Variants in ZNF782 observed in about 807,000 individuals in gnomAD.
ZNF782 encodes zinc finger protein 782.
In ZNF782, 12 loss-of-function variants were observed where a neutral mutation model predicts 13.0. The observed-to-expected ratio is 0.92, with a 90% CI of 0.59 to 1.50. The LOEUF is 1.50. Ranked by LOEUF, ZNF782 falls within the 40% of genes most tolerant of loss-of-function variation. The pLI is 0.00. For missense variants in ZNF782, 770 were observed against 822.9 expected, an observed-to-expected ratio of 0.94 and a Z score of 0.79; for synonymous variants, 284 against 283.0, an observed-to-expected ratio of 1.00 and a Z score of -0.04.
At chr9:96,851,911 T>C (rs1230478097) in intron 3 of ZNF782, 36 bp downstream of exon 3, 1 of 1,605,760 alleles carries the variant, frequency 6.2e-7, no homozygotes, top group African/African-American at 1.3e-5. Context: ...ATAAAATCCA[T>C]TACAATACAA....
the ZNF782 span, among the ~76,000 whole-genome samples, chr9:96,903,556 G>GTTTTT: frequency 4.7e-3 from 356 of 75,452 alleles, 7 homozygotes; most frequent in East Asian, 5.4e-3. Flanking sequence ...TTTTATGTTG[G>GTTTTT]TTTTTTTTTT....
chr9:96,918,569 C>T, the ZNF782 span: 3 of 149,928 alleles, frequency 2.0e-5, no homozygotes, highest in East Asian at 2.1e-4. Context: ...AAATTTTATG[C>T]CGTGTTATTT....
the ZNF782 span, among the ~76,000 whole-genome samples, chr9:96,926,349 T>C: frequency 7.2e-5 from 11 of 151,794 alleles, no homozygotes; most frequent in Non-Finnish European, 1.3e-4. Context: ...AAAGATCGCG[T>C]CCTCAGAAAG....
chr9:96,927,021 C>A, the ZNF782 span, among the ~76,000 whole-genome samples: 2 of 152,128 alleles, frequency 1.3e-5, no homozygotes, highest in East Asian at 1.9e-4. Context: ...TCCTAACACT[C>A]CCCTTGTTCA....
chr9:96,818,522 T>C lies in ZNF782; in HGVS notation c.1501A>G (p.Thr501Ala), dbSNP rs374116369. 1.2e-6 allele frequency: 2 copies of C among 1,613,904 alleles called. No homozygotes were observed. Among genetic ancestry groups the C allele is most frequent in the Non-Finnish European group, 1.7e-6 (2 of 1,179,964 alleles). ...TCACATTTATATGGTCTTTCCCCTG[T>C]GTGAGTTCTTCGGTGATTCCTTAGG... Reference protein sequence around the residue: ...SGLRNHRRTHTGERPYKCDEC... With the variant: ...SGLRNHRRTHAGERPYKCDEC... Residue 501 changes from threonine (T) to alanine (A), a missense_variant, in exon 6 of 6, where the codon ACA becomes GCA. Physicochemically the swap from Thr to Ala is moderately conservative, Grantham distance 58. Coordinates refer to ENST00000481138, the MANE Select transcript of ZNF782 (RefSeq NM_001001662.3).
At chr9:96,885,739 G>T in the ZNF782 span, among the ~76,000 whole-genome samples, 1 of 152,054 alleles carries the variant, frequency 6.6e-6, no homozygotes, top group Non-Finnish European at 1.5e-5. Context: ...AGTCTTGAAA[G>T]CATCAGAGAG....
chr9:96,907,936 C>T, the ZNF782 span, among the ~76,000 whole-genome samples: 10 of 151,576 alleles, frequency 6.6e-5, no homozygotes, highest in African/African-American at 9.7e-5. Flanking sequence ...CCACCGTGCC[C>T]GGCCTTGATA....
chr9:96,900,145 C>T, the ZNF782 span, among the ~76,000 whole-genome samples: 1 of 151,584 alleles, frequency 6.6e-6, no homozygotes, highest in East Asian at 1.9e-4. Flanking sequence ...ATAGCCTTTA[C>T]TCTGAGATAT....
At chr9:96,925,657 A>G in the ZNF782 span, among the ~76,000 whole-genome samples, 1 of 150,736 alleles carries the variant, frequency 6.6e-6, no homozygotes, top group Admixed American at 6.6e-5. Flanking sequence ...AAACTGGTAC[A>G]GAAGCAACTC....
chr9:96,870,589 A>G (rs1324263083), intron 1 of ZNF782, among the ~76,000 whole-genome samples: 3 of 152,240 alleles, frequency 2.0e-5, no homozygotes, highest in African/African-American at 7.2e-5. Context: ...TAATGTAAAG[A>G]GAGTTATAAA....
At chr9:96,916,266 G>T in the ZNF782 span, among the ~76,000 whole-genome samples, 1 of 151,832 alleles carries the variant, frequency 6.6e-6, no homozygotes, top group Admixed American at 6.6e-5. Context: ...TAAGGCGGGC[G>T]GATCACTTGA....
Position 96,818,621 on chromosome 9 carries a change from GCACT to G in ZNF782, c.1398_1401del (p.Val467IlefsTer26), listed in dbSNP as rs761732964. On this transcript the variant is annotated frameshift_variant, in exon 6 of 6. Transcript: ENST00000481138. LOFTEE classifies it low-confidence loss of function (END_TRUNC). ...TTCTCCCCTGTGTGAGTTCTCTGAT[GCACT>G]ATGAGGATTGACTTATAGTTAAAAG... 3 of 1,614,132 alleles carry G rather than the reference GCACT, an allele frequency of 1.9e-6. No homozygotes were observed. In the South Asian group the frequency reaches 3.3e-5, roughly 18 times the overall value.
chr9:96,878,119 G>C (rs1397006117), upstream of ZNF782, among the ~76,000 whole-genome samples: 1 of 152,212 alleles, frequency 6.6e-6, no homozygotes, highest in African/African-American at 2.4e-5. Flanking sequence ...TGCGATCTCA[G>C]CTCACTGCAA....
At chr9:96,891,612 T>C in the ZNF782 span, 1 of 148,090 alleles carries the variant, frequency 6.8e-6, no homozygotes, top group Non-Finnish European at 1.5e-5. Flanking sequence ...TGGGCTGGAG[T>C]GCAGTGGTGT....
upstream of ZNF782, among the ~76,000 whole-genome samples, chr9:96,875,860 C>G (rs1188257466): frequency 6.6e-6 from 1 of 152,264 alleles, no homozygotes; most frequent in East Asian, 1.9e-4. Flanking sequence ...TCAGCCTTAG[C>G]TAGGCGTGAA....
intron 1 of ZNF782, among the ~76,000 whole-genome samples, chr9:96,874,632 C>T (rs1001374832): frequency 6.6e-6 from 1 of 152,206 alleles, no homozygotes; most frequent in African/African-American, 2.4e-5. Context: ...GGATCAAGCA[C>T]TGTTTCTGGC....
At chr9:96,925,389 G>A in the ZNF782 span, among the ~76,000 whole-genome samples, 1 of 152,240 alleles carries the variant, frequency 6.6e-6, no homozygotes, top group African/African-American at 2.4e-5. Context: ...TGTAATCCCA[G>A]CACTTTTGGA....
chr9:96,861,262 G>C (rs1185931759), intron 2 of ZNF782, among the ~76,000 whole-genome samples: 1 of 152,132 alleles, frequency 6.6e-6, no homozygotes, highest in Non-Finnish European at 1.5e-5. Flanking sequence ...AAGTTAAAAA[G>C]CTTCTGCACA....
At chr9:96,926,589 C>A in the ZNF782 span, among the ~76,000 whole-genome samples, 1 of 151,124 alleles carries the variant, frequency 6.6e-6, no homozygotes, top group Non-Finnish European at 1.5e-5. Context: ...ACTGTGGAGG[C>A]ATTTCATAGA....
Sources: gnomAD v4.1 joint callset for allele counts (sites outside exome capture counted in the v4.1 genomes callset) on GRCh38, gnomAD v4.1.1 for gene constraint, MANE v1.5 for transcripts, NCBI Gene and HGNC (gene_info 2026-07-23, HGNC 2026-07-21) for gene names.